Variants in RSL1D1 observed in about 807,000 individuals in gnomAD.
RSL1D1 encodes ribosomal L1 domain containing 1, also known as ribosomal L1 domain-containing protein 1.
A neutral mutation model predicts 44.6 loss-of-function variants in RSL1D1; 34 were observed. The observed-to-expected ratio is 0.76, with a 90% CI of 0.58 to 1.02. The LOEUF (loss-of-function observed/expected upper bound fraction) is 1.02, where lower values mean the gene tolerates loss of function less well. Ranked by LOEUF, RSL1D1 falls within the 50% of genes least tolerant of loss-of-function variation. The pLI is 0.00. For missense variants in RSL1D1, 767 were observed against 568.1 expected (o/e 1.35, Z -3.56); for synonymous variants, 271 against 207.4 (o/e 1.31, Z -2.63).
Position 11,841,769 on chromosome 16 carries a change from G to T in RSL1D1, c.781C>A (p.Leu261Ile). ...CTGACAAACGAGGAAAAGATGGGAA[G>T]TGCAGCCGATTTCTCAGTTTTCACA... ...LFVKTEKSAA[L>I]PIFSSFVSNW... The change falls in exon 7 of 9, where the codon CTT (leucine) becomes ATT (isoleucine). Residue 261 changes from leucine (L) to isoleucine (I), a missense_variant. Leu to Ile is a conservative substitution (Grantham distance 5). Transcript: ENST00000571133. The T allele has an allele frequency of 3.7e-6, 6 of 1,614,104 alleles. No homozygotes were observed. The highest frequency in any genetic ancestry group is 5.1e-6 in the Non-Finnish European group (6 of 1,179,966).
At position 11,841,991 on chromosome 16, in the gene RSL1D1, A is replaced by G. The variant is rs144050432; in HGVS notation, c.645T>C (p.Arg215=). ...ISKSGSCSAI[R]IGHVGMQIEH... ...CAATTTGCATTCCAACGTGACCAAT[A>G]CGTATAGCACTGAAATTTAATATAG... Residue 215 remains arginine (R), a synonymous_variant, in exon 6 of 9, where the codon CGT becomes CGC. Coordinates refer to ENST00000571133, the MANE Select transcript of RSL1D1 (RefSeq NM_015659.3). 2.5e-5 allele frequency: 41 copies of G among 1,609,040 alleles called. No homozygotes were observed. The African/African-American group carries it at 4.3e-4, about 17-fold the overall frequency.
At position 11,837,566 on chromosome 16, in the gene RSL1D1, G is replaced by A. The variant is rs1254798311; in HGVS notation, c.*221C>T. 1 of 472,346 alleles carries A rather than the reference G, an allele frequency of 2.1e-6. No individual in the cohort carries two copies. The highest frequency in any genetic ancestry group is 3.8e-6 in the Non-Finnish European group (1 of 265,806). 29.3% of individuals were successfully genotyped at this position (472,346 alleles called of 1,614,324 possible). On this transcript the variant is annotated 3_prime_UTR_variant, in exon 9 of 9. Coordinates refer to ENST00000571133, the MANE Select transcript of RSL1D1 (RefSeq NM_015659.3). ...GGGTTTCACCATGTTGGCCAGGATGGTCTCGATCTCGTTGACCTTGTGATC... is the reference window on the plus strand; with the variant it reads ...GGGTTTCACCATGTTGGCCAGGATGATCTCGATCTCGTTGACCTTGTGATC...
chr16:11,850,714 C>A (rs1290011311), intron 1 of RSL1D1, among the ~76,000 whole-genome samples: 1 of 152,216 alleles, frequency 6.6e-6, no homozygotes, highest in African/African-American at 2.4e-5. Context: ...CGTGCCCCTC[C>A]TGCCCTCAAT....
intron 7 of RSL1D1, among the ~76,000 whole-genome samples, chr16:11,840,855 C>A (rs191538663): frequency 6.6e-6 from 1 of 152,146 alleles, no homozygotes. Flanking sequence ...GATGAAACAG[C>A]GCCTTTTCTA....
chr16:11,837,878 T>C lies in RSL1D1; in HGVS notation c.1382A>G (p.Lys461Arg), dbSNP rs2053733107. 3.7e-6 allele frequency: 6 copies of C among 1,614,016 alleles called. No individual in the cohort carries two copies. Among genetic ancestry groups the C allele is most frequent in the Middle Eastern group, 1.6e-4 (1 of 6,084 alleles). ...AGATTTACTAGGAGTGGTGAAAAAC[T>C]TGGCCTCTGGCTTTTTTGGAGTCTG... ...ARQTPKKPEA[K>R]FFTTPSKSVR... The change falls in exon 9 of 9, where the codon AAG becomes AGG. Residue 461 changes from lysine (K) to arginine (R), a missense_variant. By Grantham distance (26) the Lys-to-Arg change is conservative. Coordinates refer to ENST00000571133, the MANE Select transcript of RSL1D1 (RefSeq NM_015659.3).
intron 7 of RSL1D1, 62 bp from the exon 8 acceptor site, chr16:11,840,047 T>G: frequency 6.4e-7 from 1 of 1,572,654 alleles, no homozygotes. Context: ...ACAAACGGCA[T>G]AGATGTACCA....
intron 3 of RSL1D1, 130 bp from the exon 4 acceptor site, chr16:11,846,973 T>A (rs1245920456): frequency 3.9e-6 from 3 of 760,586 alleles, no homozygotes; most frequent in East Asian, 2.5e-5. Context: ...TAATGAACAC[T>A]TGAGGGCCTA....
At chr16:11,851,209 C>G (rs972242398) in intron 1 of RSL1D1, 199 bp downstream of exon 1, 2 of 634,614 alleles carry the variant, frequency 3.2e-6, no homozygotes, top group African/African-American at 3.6e-5. Flanking sequence ...AATTCACTAG[C>G]GCCAGGCCGC....
At chr16:11,841,239 G>A (rs1160998161) in intron 7 of RSL1D1, among the ~76,000 whole-genome samples, 1 of 152,018 alleles carries the variant, frequency 6.6e-6, no homozygotes, top group East Asian at 1.9e-4. Context: ...GCGACCATGT[G>A]TGTACAAAAA....
intron 5 of RSL1D1, among the ~76,000 whole-genome samples, chr16:11,843,370 C>T (rs965302488): frequency 1.3e-5 from 2 of 151,798 alleles, no homozygotes; most frequent in Admixed American, 6.6e-5. Flanking sequence ...CATGCCCAGC[C>T]GAGGCAGTGA....
intron 1 of RSL1D1, chr16:11,851,114 G>C (rs1461927630): frequency 6.4e-6 from 3 of 466,146 alleles, no homozygotes; most frequent in Non-Finnish European, 1.2e-5. Context: ...GCAAAACTAA[G>C]CGATTCGGTC....
At position 11,835,688 on chromosome 16, in the gene RSL1D1, AT is replaced by A. The variant is rs1291380512; in HGVS notation, c.*2098del. Reference sequence around the variant, plus strand: ...TTTGGTAAAGATGGGGTTTTGCCATATTGCCCAGGATGGTCTCGAACTCCTG... The same window carrying A: ...TTTGGTAAAGATGGGGTTTTGCCATATGCCCAGGATGGTCTCGAACTCCTG... On this transcript the variant is annotated 3_prime_UTR_variant, in exon 9 of 9. Coordinates refer to ENST00000571133, the MANE Select transcript of RSL1D1 (RefSeq NM_015659.3). 6.6e-6 allele frequency: 1 copy of A among 152,152 alleles called. No individual in the cohort carries two copies. Among genetic ancestry groups the A allele is most frequent in the African/African-American group, 2.4e-5 (1 of 41,424 alleles). 9.4% of individuals were successfully genotyped at this position (152,152 alleles called of 1,614,324 possible). A position where few individuals can be genotyped will look rare whatever the true frequency, so the allele number is the denominator to read the frequency against.
At chr16:11,850,969 C>A in intron 1 of RSL1D1, 1 of 237,576 alleles carries the variant, frequency 4.2e-6, no homozygotes, top group Non-Finnish European at 8.4e-6. Flanking sequence ...GGATTACAGG[C>A]GTGAGCCACC....
intron 2 of RSL1D1, 137 bp downstream of exon 2, chr16:11,850,142 G>T: frequency 1.2e-6 from 1 of 827,448 alleles, no homozygotes; most frequent in Non-Finnish European, 1.8e-6. Context: ...GGTTCTTTTG[G>T]ACATAGTTGT....
At position 11,839,732 on chromosome 16, in the gene RSL1D1, G is replaced by T. The variant is rs779887053; in HGVS notation, c.1109C>A (p.Pro370Gln). The T allele has an allele frequency of 6.2e-7, 1 of 1,613,958 alleles. No homozygotes were observed. Among genetic ancestry groups the T allele is most frequent in the Non-Finnish European group, 8.5e-7 (1 of 1,180,000 alleles). ...ATTAGCTGGAGTCTTCTTTCCTATT[G>T]GTACCAGCTGTGGGATTTCGTCTTC... is the stretch of plus-strand genomic sequence containing the variant. The part of the protein sequence containing the change: ...ESEDEIPQLV[P>Q]IGKKTPANEK... Residue 370 changes from proline (P) to glutamine (Q), a missense_variant, in exon 8 of 9, where the codon CCA becomes CAA. Coordinates refer to ENST00000571133, the MANE Select transcript of RSL1D1 (RefSeq NM_015659.3).
At chr16:11,842,904 T>C (rs1177325932) in intron 5 of RSL1D1, among the ~76,000 whole-genome samples, 2 of 145,788 alleles carry the variant, frequency 1.4e-5, no homozygotes, top group African/African-American at 2.6e-5. Context: ...TACAGGCGCA[T>C]GCCACCACGC....
intron 7 of RSL1D1, among the ~76,000 whole-genome samples, chr16:11,840,921 C>T (rs2053760444): frequency 6.6e-6 from 1 of 152,212 alleles, no homozygotes; most frequent in Non-Finnish European, 1.5e-5. Context: ...AAACTCCAGC[C>T]ACCTACAACC....
intron 5 of RSL1D1, among the ~76,000 whole-genome samples, chr16:11,842,300 C>T (rs1320561263): frequency 6.6e-6 from 1 of 151,146 alleles, no homozygotes; most frequent in East Asian, 1.9e-4. Context: ...GACTGCACTC[C>T]AGCCTGGGTA....
intron 8 of RSL1D1, among the ~76,000 whole-genome samples, chr16:11,839,279 T>C (rs538758735): frequency 6.6e-6 from 1 of 151,430 alleles, no homozygotes; most frequent in African/African-American, 2.4e-5. Flanking sequence ...GGAAGGAGAA[T>C]TGCTTGAACC....
Sources: allele counts gnomAD v4.1 joint callset (sites outside exome capture counted in the v4.1 genomes callset), GRCh38; gene constraint gnomAD v4.1.1; transcripts MANE v1.5; gene names NCBI Gene and HGNC (gene_info 2026-07-23, HGNC 2026-07-21).